ZNF782: variants seen among roughly 807,000 people sequenced by gnomAD.
The protein encoded by ZNF782 is zinc finger protein 782.
In ZNF782, 12 loss-of-function variants were observed where a neutral mutation model predicts 13.0. That is an observed-to-expected ratio of 0.92 (90% CI 0.59 to 1.50). The LOEUF is 1.50. Ranked by LOEUF, ZNF782 falls within the 40% of genes most tolerant of loss-of-function variation. ZNF782 has a pLI of 0.00. For missense variants in ZNF782, 770 were observed against 822.9 expected (o/e 0.94, Z 0.79); for synonymous variants, 284 against 283.0 (o/e 1.00, Z -0.04).
intron 1 of ZNF782, among the ~76,000 whole-genome samples, chr9:96,872,699 A>T (rs1851841793): frequency 6.6e-6 from 1 of 152,230 alleles, no homozygotes; most frequent in Non-Finnish European, 1.5e-5. Context: ...TATGTAAGAC[A>T]TAATATTTGT....
the ZNF782 span, among the ~76,000 whole-genome samples, chr9:96,912,630 G>A: frequency 6.6e-6 from 1 of 151,764 alleles, no homozygotes; most frequent in African/African-American, 2.4e-5. Context: ...CCGGGTTCAA[G>A]CGATTCTCCT....
chr9:96,906,321 G>C, the ZNF782 span, among the ~76,000 whole-genome samples: 1 of 148,346 alleles, frequency 6.7e-6, no homozygotes, highest in Non-Finnish European at 1.5e-5. Flanking sequence ...CACCAACTGG[G>C]TGTCCTCTAA....
In ZNF782 at chr9:96,818,743, C is replaced by T; in HGVS notation, c.1280G>A (p.Cys427Tyr). 2 of 1,614,172 alleles carry T rather than the reference C, an allele frequency of 1.2e-6. No individual in the cohort carries two copies. The highest frequency in any genetic ancestry group is 1.1e-5 in the South Asian group (1 of 91,072). ...TGACTTTGCACTGAAAGCTTTATCA[C>T]ATCCATCACATTTGTATGGTTTCTC... is the stretch of plus-strand genomic sequence containing the variant. ...TGEKPYKCDG[C>Y]DKAFSAKSGL... Residue 427 changes from cysteine to tyrosine, a missense_variant, in exon 6 of 6, where the codon TGT (cysteine) becomes TAT (tyrosine). Cys to Tyr is a radical substitution (Grantham distance 194, BLOSUM62 -2). Transcript: ENST00000481138.
chr9:96,818,544 T>C lies in ZNF782; in HGVS notation c.1479A>G (p.Leu493=), dbSNP rs1429899687. 2 of 1,613,412 alleles carry C rather than the reference T, an allele frequency of 1.2e-6. No homozygotes were observed. Among genetic ancestry groups the C allele is most frequent in the African/African-American group, 1.3e-5 (1 of 74,762 alleles). ...CTGTGTGAGTTCTTCGGTGATTCCTTAGGCCTGACATATGGCTGAAAGATT... is the reference window on the plus strand; with the variant it reads ...CTGTGTGAGTTCTTCGGTGATTCCTCAGGCCTGACATATGGCTGAAAGATT... ...CGKSFSHMSG[L]RNHRRTHTGE... The change falls in exon 6 of 6, where the codon CTA becomes CTG. Residue 493 remains leucine, a synonymous_variant. Transcript: ENST00000481138.
chr9:96,927,092 T>C, the ZNF782 span, among the ~76,000 whole-genome samples: 1 of 152,096 alleles, frequency 6.6e-6, no homozygotes, highest in South Asian at 2.1e-4. Context: ...CAATTCTGTG[T>C]GAAAATGAGA....
chr9:96,857,158 A>G (rs1851653748), upstream of ZNF782, among the ~76,000 whole-genome samples: 1 of 152,222 alleles, frequency 6.6e-6, no homozygotes, highest in South Asian at 2.1e-4. Flanking sequence ...GGTGTCAGAC[A>G]TTACATGTGG....
chr9:96,838,082 C>A (rs892614193), intron 4 of ZNF782, among the ~76,000 whole-genome samples: 1 of 152,138 alleles, frequency 6.6e-6, no homozygotes, highest in South Asian at 2.1e-4. Context: ...GCTTTAGCTG[C>A]ATTTCACAAA....
At chr9:96,919,923 A>G in the ZNF782 span, among the ~76,000 whole-genome samples, 1 of 151,554 alleles carries the variant, frequency 6.6e-6, no homozygotes, top group Admixed American at 6.6e-5. Context: ...AAGGGCATCA[A>G]CTTTTTCTAC....
chr9:96,891,491 G>A, the ZNF782 span: 1 of 151,664 alleles, frequency 6.6e-6, no homozygotes, highest in African/African-American at 2.4e-5. Context: ...TCCTTATCAA[G>A]ATACAGAATG....
the ZNF782 span, among the ~76,000 whole-genome samples, chr9:96,911,419 A>G: frequency 3.3e-5 from 4 of 123,058 alleles, 1 homozygote; most frequent in South Asian, 1.2e-3. Flanking sequence ...GGCCTGGGCA[A>G]CAGAGCAAGA....
intron 3 of ZNF782, among the ~76,000 whole-genome samples, chr9:96,851,493 G>C (rs1177728129): frequency 6.6e-6 from 1 of 152,030 alleles, no homozygotes; most frequent in Non-Finnish European, 1.5e-5. Flanking sequence ...ACTGAACAGG[G>C]AAACAGGAAA....
At chr9:96,848,131 C>T (rs1378251929) in intron 3 of ZNF782, among the ~76,000 whole-genome samples, 3 of 152,018 alleles carry the variant, frequency 2.0e-5, no homozygotes, top group Admixed American at 6.6e-5. Context: ...TTTATAAAAG[C>T]TCTCAACAAA....
the ZNF782 span, among the ~76,000 whole-genome samples, chr9:96,896,603 A>G: frequency 3.3e-5 from 5 of 152,244 alleles, no homozygotes; most frequent in African/African-American, 1.2e-4. Flanking sequence ...AAAAAGAGGC[A>G]TAACACCATT....
At chr9:96,867,891 A>C (rs1025424805) in intron 1 of ZNF782, among the ~76,000 whole-genome samples, 1 of 152,224 alleles carries the variant, frequency 6.6e-6, no homozygotes, top group Non-Finnish European at 1.5e-5. Flanking sequence ...ATCCAACTGC[A>C]TAGCCTTCAT....
At chr9:96,888,354 T>A in the ZNF782 span, 1 of 151,814 alleles carries the variant, frequency 6.6e-6, no homozygotes, top group East Asian at 1.9e-4. Context: ...GACAAAATGG[T>A]TTTACATGTG....
At chr9:96,905,853 G>C in the ZNF782 span, among the ~76,000 whole-genome samples, 1 of 152,182 alleles carries the variant, frequency 6.6e-6, no homozygotes, top group African/African-American at 2.4e-5. Flanking sequence ...CAAAGTGCTG[G>C]GATGACAGGC....
the ZNF782 span, among the ~76,000 whole-genome samples, chr9:96,920,194 C>T: frequency 2.0e-5 from 3 of 149,702 alleles, no homozygotes; most frequent in South Asian, 2.1e-4. Flanking sequence ...TTTATTAGAA[C>T]GAGGCAGAGT....
the ZNF782 span, among the ~76,000 whole-genome samples, chr9:96,880,667 T>C: frequency 2.0e-5 from 3 of 152,338 alleles, no homozygotes; most frequent in South Asian, 2.1e-4. Context: ...TTTCTTTTTA[T>C]GTATTAATAG....
the ZNF782 span, among the ~76,000 whole-genome samples, chr9:96,918,065 A>G: frequency 6.6e-6 from 1 of 151,106 alleles, no homozygotes; most frequent in African/African-American, 2.4e-5. Context: ...TATTGCGCAC[A>G]TTTAAAGTCA....
Sources: allele counts gnomAD v4.1 joint callset (sites outside exome capture counted in the v4.1 genomes callset), GRCh38; gene constraint gnomAD v4.1.1; transcripts MANE v1.5; gene names NCBI Gene and HGNC (gene_info 2026-07-23, HGNC 2026-07-21).